SERGEF: variants seen among roughly 807,000 people sequenced by gnomAD.
SERGEF encodes the protein secretion regulating guanine nucleotide exchange factor.
In SERGEF, 51 loss-of-function variants were observed where a neutral mutation model predicts 50.0. That is an observed-to-expected ratio of 1.02 (90% CI 0.81 to 1.29). The LOEUF is 1.29. SERGEF is among the 50% of genes most tolerant of loss of function. The pLI is 0.00. For missense variants in SERGEF, 521 were observed against 557.0 expected (o/e 0.94, Z 0.65); for synonymous variants, 205 against 212.4 (o/e 0.97, Z 0.30).
At chr11:18,012,898 C>A (rs1406118970) in intron 1 of SERGEF, 53 bp downstream of exon 1, 1 of 1,535,486 alleles carries the variant, frequency 6.5e-7, no homozygotes, top group South Asian at 1.2e-5. Flanking sequence ...CAGCAGCTCC[C>A]ACATCTCGGC....
chr11:17,896,554 G>A (rs1194644656), intron 9 of SERGEF, among the ~76,000 whole-genome samples: 2 of 95,032 alleles, frequency 2.1e-5, no homozygotes, highest in Non-Finnish European at 4.1e-5. Flanking sequence ...GGAAGGGAAG[G>A]GGAAGGGAAG....
chr11:17,855,888 C>G (rs1029695792), intron 10 of SERGEF: 4 of 152,206 alleles, frequency 2.6e-5, no homozygotes, highest in African/African-American at 9.7e-5. Context: ...GAATATTTCA[C>G]TTACAGATGA....
intron 9 of SERGEF, among the ~76,000 whole-genome samples, chr11:17,903,291 C>T (rs923453045): frequency 1.6e-5 from 2 of 128,124 alleles, no homozygotes; most frequent in African/African-American, 5.7e-5. Flanking sequence ...GAAGAAAAAC[C>T]TGGCAAAAAC....
At chr11:17,887,113 G>A (rs976729071) in intron 9 of SERGEF, among the ~76,000 whole-genome samples, 5 of 152,146 alleles carry the variant, frequency 3.3e-5, no homozygotes, top group African/African-American at 9.7e-5. Context: ...GTAAAGTGAA[G>A]CTAAGTCACC....
chr11:17,976,450 A>G (rs488551), intron 8 of SERGEF, among the ~76,000 whole-genome samples: 33,851 of 136,852 alleles, frequency 0.25, 4,391 homozygotes, highest in African/African-American at 0.37. Context: ...CACCTCGGCT[A>G]ATTTTCATTT....
At chr11:17,855,246 A>G (rs1363907870) in intron 10 of SERGEF, 1 of 152,224 alleles carries the variant, frequency 6.6e-6, no homozygotes, top group Non-Finnish European at 1.5e-5. Flanking sequence ...TTTATTTTAT[A>G]GATGTGCTAT....
chr11:17,974,082 T>A (rs1191246358), intron 8 of SERGEF, among the ~76,000 whole-genome samples: 1 of 151,978 alleles, frequency 6.6e-6, no homozygotes, highest in Non-Finnish European at 1.5e-5. Context: ...TGTCTAGAGG[T>A]CCATGGCCTC....
intron 10 of SERGEF, among the ~76,000 whole-genome samples, chr11:17,822,301 C>T (rs1850100351): frequency 6.6e-6 from 1 of 152,152 alleles, no homozygotes; most frequent in African/African-American, 2.4e-5. Context: ...GCACTAAATG[C>T]ATTCTCCGTA....
intron 8 of SERGEF, among the ~76,000 whole-genome samples, chr11:17,981,635 T>C (rs1038184751): frequency 1.3e-5 from 2 of 152,212 alleles, no homozygotes; most frequent in African/African-American, 4.8e-5. Flanking sequence ...GTGAGAGTTA[T>C]GATTGCTGTT....
chr11:17,793,576 C>T (rs1849521589), intron 10 of SERGEF, among the ~76,000 whole-genome samples: 1 of 152,180 alleles, frequency 6.6e-6, no homozygotes. Context: ...GAAAGCCTCT[C>T]CCTAAGCGAC....
At chr11:17,986,636 T>C (rs1351014175) in intron 8 of SERGEF, among the ~76,000 whole-genome samples, 1 of 152,164 alleles carries the variant, frequency 6.6e-6, no homozygotes, top group Admixed American at 6.5e-5. Context: ...AGAAGCAACA[T>C]CTTTATGTCT....
chr11:17,910,191 ACACTCTCTCT>A, intron 9 of SERGEF, among the ~76,000 whole-genome samples: 1 of 132,760 alleles, frequency 7.5e-6, no homozygotes, highest in African/African-American at 2.6e-5. Flanking sequence ...ACACACACAC[ACACTCTCTCT>A]CTCTCTCTCT....
At position 17,966,922 on chromosome 11, in the gene SERGEF, C is replaced by G. The variant is rs540165283; in HGVS notation, c.845-7286G>C. 5.9e-5 allele frequency among the ~76,000 whole-genome samples: 9 copies of G among 152,230 alleles called. No homozygotes were observed. In the South Asian group the frequency reaches 1.9e-3, roughly 32 times the overall value. On this transcript the variant is annotated intron_variant, in intron 8 of 10. Coordinates refer to ENST00000265965, the MANE Select transcript of SERGEF (RefSeq NM_012139.4). ...TCATTAAGTTACATAATTAAATCAA[C>G]CCTGAATGATTATTGTGAATCCCAT...
At chr11:17,846,698 T>A (rs114024107) in intron 10 of SERGEF, 1 of 456,306 alleles carries the variant, frequency 2.2e-6, no homozygotes, top group Non-Finnish European at 4.4e-6. Flanking sequence ...TATCTCTTAA[T>A]TTCTCTGCAA....
intron 10 of SERGEF, among the ~76,000 whole-genome samples, chr11:17,820,014 A>AT (rs1565176057): frequency 2.7e-4 from 40 of 150,858 alleles, no homozygotes; most frequent in African/African-American, 9.0e-4. Context: ...ATTAAAAAAA[A>AT]ATTTTTTTTT....
intron 9 of SERGEF, among the ~76,000 whole-genome samples, chr11:17,897,030 G>C (rs1177258179): frequency 6.6e-6 from 1 of 152,190 alleles, no homozygotes; most frequent in Admixed American, 6.5e-5. Flanking sequence ...CTCCAGGTGG[G>C]CCTAATCAAT....
chr11:17,906,975 C>T (rs185944601), intron 9 of SERGEF, among the ~76,000 whole-genome samples: 2 of 152,144 alleles, frequency 1.3e-5, no homozygotes, highest in African/African-American at 2.4e-5. Flanking sequence ...CTAGATGAGA[C>T]TTTGGACTGT....
intron 9 of SERGEF, among the ~76,000 whole-genome samples, chr11:17,896,638 AAGGGGAAGGGAAGGGGAAGGGAAGGGT>A (rs1851635388): frequency 1.7e-4 from 4 of 23,572 alleles, no homozygotes; most frequent in Non-Finnish European, 2.3e-4. Flanking sequence ...AGGGGAAGGG[AAGGGGAAGGGAAGGGGAAGGGAAGGGT>A]AACGGGAAGG....
At chr11:17,830,959 A>T (rs920167786) in intron 10 of SERGEF, among the ~76,000 whole-genome samples, 5 of 152,144 alleles carry the variant, frequency 3.3e-5, no homozygotes, top group Non-Finnish European at 5.9e-5. Context: ...TTATCTCAAG[A>T]CTGTAAACTT....
Sources: allele counts gnomAD v4.1 joint callset (sites outside exome capture counted in the v4.1 genomes callset), GRCh38; gene constraint gnomAD v4.1.1; transcripts MANE v1.5; gene names NCBI Gene and HGNC (gene_info 2026-07-23, HGNC 2026-07-21).